Variants in RASA1 observed in about 807,000 individuals in gnomAD.
RASA1 encodes the protein ras GTPase-activating protein 1.
Under a neutral mutation model 132.2 loss-of-function variants are expected in RASA1, and 25 were observed. The ratio of observed to expected loss-of-function variants is 0.19; its 90% CI spans 0.14 to 0.26. The LOEUF is 0.26. Ranked by LOEUF, RASA1 falls within the 10% of genes least tolerant of loss-of-function variation. The pLI, the probability that RASA1 is intolerant of heterozygous loss-of-function variation, is 1.00. For missense variants in RASA1, 964 were observed against 1,299.2 expected, an observed-to-expected ratio of 0.74 and a Z score of 3.97; for synonymous variants, 477 against 449.9, an observed-to-expected ratio of 1.06 and a Z score of -0.76.
Position 87,391,632 on chromosome 5 carries a change from T to C in RASA1, c.*749T>C. On this transcript the variant is annotated 3_prime_UTR_variant, in exon 25 of 25. Coordinates refer to ENST00000274376, the MANE Select transcript of RASA1 (RefSeq NM_002890.3). Reference sequence around the variant, plus strand: ...TCAGTAAATATTATTGGTTGTTGTATTGATCAATGCATGTTACCCATTCAA... The same window carrying C: ...TCAGTAAATATTATTGGTTGTTGTACTGATCAATGCATGTTACCCATTCAA... 1 of 234,568 alleles carries C rather than the reference T, an allele frequency of 4.3e-6. No individual in the cohort carries two copies. The highest frequency in any genetic ancestry group is 1.8e-4 in the South Asian group (1 of 5,668). The allele number at this position is 234,568 out of a possible 1,614,324, so 14.5% of individuals were successfully genotyped here.
At chr5:87,288,036 T>C (rs62368942) in intron 1 of RASA1, among the ~76,000 whole-genome samples, 77 of 4,700 alleles carry the variant, frequency 0.016, 2 homozygotes, top group Admixed American at 0.098. Flanking sequence ...CATATATATA[T>C]ACCATATATA....
chr5:87,323,286 C>T (rs1255206477), intron 1 of RASA1, among the ~76,000 whole-genome samples: 1 of 152,010 alleles, frequency 6.6e-6, no homozygotes, highest in African/African-American at 2.4e-5. Context: ...AAACTAATGC[C>T]TTAAAACATT....
intron 1 of RASA1, among the ~76,000 whole-genome samples, chr5:87,324,026 G>A (rs1358519870): frequency 2.0e-5 from 3 of 152,138 alleles, no homozygotes; most frequent in East Asian, 3.8e-4. Flanking sequence ...GTAGCACAAT[G>A]CTTGGCACAT....
chr5:87,317,628 C>T (rs536687827), intron 1 of RASA1, among the ~76,000 whole-genome samples: 2 of 151,184 alleles, frequency 1.3e-5, no homozygotes, highest in East Asian at 3.9e-4. Context: ...CTGTTTTTCT[C>T]ATGCTCTTTT....
intron 24 of RASA1, 48 bp from the exon 25 acceptor site, chr5:87,390,752 T>A: frequency 6.6e-7 from 1 of 1,506,234 alleles, no homozygotes; most frequent in Non-Finnish European, 9.2e-7. Flanking sequence ...ATCCTGAAAT[T>A]GCTGACCGAG....
At chr5:87,384,118 C>G (rs1761912294) in intron 21 of RASA1, among the ~76,000 whole-genome samples, 2 of 152,040 alleles carry the variant, frequency 1.3e-5, no homozygotes, top group Admixed American at 1.3e-4. Flanking sequence ...TTTGCTTAGC[C>G]CATTGCTAGA....
chr5:87,353,359 AT>A (rs1053422669), intron 9 of RASA1, 124 bp downstream of exon 9: 6 of 818,506 alleles, frequency 7.3e-6, no homozygotes, highest in African/African-American at 7.0e-5. Flanking sequence ...GATTATTTAG[AT>A]TTTTTTAGAA....
chr5:87,303,293 AT>A (rs1346159529), intron 1 of RASA1, among the ~76,000 whole-genome samples: 3 of 148,748 alleles, frequency 2.0e-5, no homozygotes, highest in Non-Finnish European at 3.0e-5. Flanking sequence ...CTAATTTTTC[AT>A]TTTTTTTCCT....
At chr5:87,276,954 G>T (rs987273492) in intron 1 of RASA1, among the ~76,000 whole-genome samples, 2 of 152,064 alleles carry the variant, frequency 1.3e-5, no homozygotes, top group South Asian at 2.1e-4. Context: ...GACAGAATCC[G>T]ATTCTCATAC....
chr5:87,287,515 CAT>C (rs1211810327), intron 1 of RASA1, among the ~76,000 whole-genome samples: 5 of 142,446 alleles, frequency 3.5e-5, no homozygotes, highest in African/African-American at 1.1e-4. Flanking sequence ...ATATACCCAC[CAT>C]ATATATACCA....
At chr5:87,329,437 C>T (rs1367423107) in intron 1 of RASA1, among the ~76,000 whole-genome samples, 3 of 151,732 alleles carry the variant, frequency 2.0e-5, no homozygotes, top group Admixed American at 6.6e-5. Context: ...GTGAGACTCC[C>T]GTCTTAAAAC....
At position 87,362,592 on chromosome 5, in the gene RASA1, A is replaced by G. The variant is rs1222873568; in HGVS notation, c.1374A>G (p.Glu458=). 3 of 1,596,992 alleles carry G rather than the reference A, an allele frequency of 1.9e-6. No homozygotes were observed. Among genetic ancestry groups the G allele is most frequent in the East Asian group, 4.5e-5 (2 of 44,658 alleles). ...QVLNDTVDGK[E]IYNTIRRKTK... is the part of the protein sequence containing the mutation. Reference sequence around the variant, plus strand: ...TCAATGACACAGTGGATGGCAAGGAAATCTATAATACCATCCGTCGTAAAA... The same window carrying G: ...TCAATGACACAGTGGATGGCAAGGAGATCTATAATACCATCCGTCGTAAAA... The change falls in exon 10 of 25, where the codon GAA becomes GAG. Residue 458 remains glutamate (E), a synonymous_variant. Coordinates refer to ENST00000274376, the MANE Select transcript of RASA1 (RefSeq NM_002890.3).
At chr5:87,381,602 A>T (rs182246680) in intron 20 of RASA1, among the ~76,000 whole-genome samples, 19 of 152,268 alleles carry the variant, frequency 1.2e-4, no homozygotes, top group African/African-American at 4.3e-4. Flanking sequence ...GGGGCAGGTA[A>T]TATTTCTCTT....
chr5:87,351,906 G>A (rs950986937), intron 8 of RASA1, among the ~76,000 whole-genome samples: 5 of 151,810 alleles, frequency 3.3e-5, no homozygotes, highest in African/African-American at 9.6e-5. Context: ...TGGATTGATT[G>A]TATTTTACAG....
At chr5:87,372,258 ATTTTAT>A (rs2112480310) in intron 13 of RASA1, 63 bp downstream of exon 13, 6 of 1,465,762 alleles carry the variant, frequency 4.1e-6, no homozygotes, top group Non-Finnish European at 5.7e-6. Context: ...TGCTCTTTTT[ATTTTAT>A]TTTTATCTGA....
chr5:87,362,132 A>C (rs1760150495), intron 9 of RASA1, among the ~76,000 whole-genome samples: 1 of 152,200 alleles, frequency 6.6e-6, no homozygotes, highest in Non-Finnish European at 1.5e-5. Context: ...GTATTCACCT[A>C]GCATTTCTCA....
At chr5:87,307,014 T>C (rs144007459) in intron 1 of RASA1, among the ~76,000 whole-genome samples, 294 of 152,150 alleles carry the variant, frequency 1.9e-3, no homozygotes, top group African/African-American at 6.7e-3. Flanking sequence ...TGTGCGCCAC[T>C]GTGTGCAGCG....
chr5:87,365,517 GAAGTT>G (rs761760467), intron 11 of RASA1, among the ~76,000 whole-genome samples: 28 of 152,134 alleles, frequency 1.8e-4, no homozygotes, highest in Non-Finnish European at 3.7e-4. Flanking sequence ...GATTAACAGA[GAAGTT>G]AAAATTGTTT....
At chr5:87,376,639 A>C in intron 16 of RASA1, 74 bp downstream of exon 16, 1 of 1,521,846 alleles carries the variant, frequency 6.6e-7, no homozygotes, top group Non-Finnish European at 9.1e-7. Context: ...AAGATCCATT[A>C]AGGTAAACAT....
Sources: allele counts gnomAD v4.1 joint callset (sites outside exome capture counted in the v4.1 genomes callset), GRCh38; gene constraint gnomAD v4.1.1; transcripts MANE v1.5; gene names NCBI Gene and HGNC (gene_info 2026-07-23, HGNC 2026-07-21).